RERE: variants seen among roughly 807,000 people sequenced by gnomAD.
The protein encoded by RERE is arginine-glutamic acid dipeptide repeats.
RERE carries 40 observed loss-of-function variants against 146.1 expected under a neutral mutation model. The ratio of observed to expected loss-of-function variants is 0.27; its 90% CI spans 0.21 to 0.36. The LOEUF is 0.36. RERE is among the 10% of genes least tolerant of loss of function. RERE has a pLI of 1.00. For synonymous variants in RERE, 1,003 were observed against 866.0 expected (o/e 1.16, Z -2.78); for missense variants, 1,933 against 2,138.7 (o/e 0.90, Z 1.90).
intron 11 of RERE, among the ~76,000 whole-genome samples, chr1:8,450,032 T>C (rs550300564): frequency 6.6e-6 from 1 of 152,298 alleles, no homozygotes; most frequent in South Asian, 2.1e-4. Flanking sequence ...TAAGTTAATT[T>C]GCTTATTTGT....
At chr1:8,392,589 C>A (rs551427520) in intron 12 of RERE, among the ~76,000 whole-genome samples, 1 of 152,222 alleles carries the variant, frequency 6.6e-6, no homozygotes, top group East Asian at 1.9e-4. Flanking sequence ...CAGTATCTAC[C>A]CCCACCCCTC....
At chr1:8,506,479 GACAC>G (rs776505939) in intron 8 of RERE, among the ~76,000 whole-genome samples, 5 of 152,200 alleles carry the variant, frequency 3.3e-5, no homozygotes, top group Admixed American at 6.5e-5. Context: ...AAATGTAAAT[GACAC>G]ACAATTTAGA....
At chr1:8,686,861 T>C (rs534701411) in intron 1 of RERE, among the ~76,000 whole-genome samples, 2 of 152,260 alleles carry the variant, frequency 1.3e-5, no homozygotes, top group South Asian at 2.1e-4. Context: ...GGCCTCTCAC[T>C]GAGACTCGAA....
At chr1:8,752,632 C>G (rs928562095) in intron 1 of RERE, among the ~76,000 whole-genome samples, 1 of 152,112 alleles carries the variant, frequency 6.6e-6, no homozygotes, top group Non-Finnish European at 1.5e-5. Context: ...TAGATAAAAA[C>G]AAGGTTTCTT....
intron 11 of RERE, among the ~76,000 whole-genome samples, chr1:8,430,242 T>G (rs1416855421): frequency 6.6e-6 from 1 of 152,190 alleles, no homozygotes; most frequent in Admixed American, 6.5e-5. Context: ...AAGGGTGACT[T>G]GAGTAAGGCA....
intron 1 of RERE, among the ~76,000 whole-genome samples, chr1:8,708,911 T>TTTTTTG (rs1639611498): frequency 7.6e-6 from 1 of 131,488 alleles, no homozygotes; most frequent in African/African-American, 2.9e-5. Flanking sequence ...TGGAGTTTTT[T>TTTTTTG]TTTTTTTTTT....
At chr1:8,458,680 A>T (rs1255162190) in intron 11 of RERE, among the ~76,000 whole-genome samples, 3 of 152,260 alleles carry the variant, frequency 2.0e-5, no homozygotes, top group South Asian at 2.1e-4. Context: ...TGATGGACTT[A>T]AAAAAAGTAC....
intron 2 of RERE, among the ~76,000 whole-genome samples, chr1:8,645,952 A>T (rs1647285980): frequency 6.6e-6 from 1 of 152,238 alleles, no homozygotes; most frequent in African/African-American, 2.4e-5. Flanking sequence ...AAGTTAACTA[A>T]TGTAATCCAT....
chr1:8,742,009 T>C (rs1640319380), intron 1 of RERE, among the ~76,000 whole-genome samples: 1 of 152,258 alleles, frequency 6.6e-6, no homozygotes, highest in African/African-American at 2.4e-5. Context: ...TATGAATTTA[T>C]ATGATTTCAG....
At chr1:8,523,989 T>A (rs1383936899) in intron 7 of RERE, among the ~76,000 whole-genome samples, 1 of 152,234 alleles carries the variant, frequency 6.6e-6, no homozygotes, top group Non-Finnish European at 1.5e-5. Flanking sequence ...TCCTTGAGCA[T>A]GAAATGTGAG....
chr1:8,801,982 T>C (rs1641599675), intron 1 of RERE, among the ~76,000 whole-genome samples: 1 of 152,220 alleles, frequency 6.6e-6, no homozygotes, highest in Non-Finnish European at 1.5e-5. Flanking sequence ...TGTTTGGAAT[T>C]TTTTTAAATT....
chr1:8,386,018 A>AT (rs1428623957), intron 12 of RERE, among the ~76,000 whole-genome samples: 16 of 41,910 alleles, frequency 3.8e-4, no homozygotes, highest in East Asian at 2.0e-3. Flanking sequence ...ATATATATAT[A>AT]TATATTTTTT....
At chr1:8,814,154 C>T (rs2124610809) in intron 1 of RERE, among the ~76,000 whole-genome samples, 1 of 152,222 alleles carries the variant, frequency 6.6e-6, no homozygotes, top group African/African-American at 2.4e-5. Flanking sequence ...AGATACACAA[C>T]TTTAGAGATT....
intron 2 of RERE, among the ~76,000 whole-genome samples, chr1:8,648,939 T>A (rs529777665): frequency 6.7e-6 from 1 of 150,340 alleles, no homozygotes; most frequent in East Asian, 2.0e-4. Flanking sequence ...CATTTCATTA[T>A]CCAAATAGCA....
intron 4 of RERE, among the ~76,000 whole-genome samples, chr1:8,593,765 T>C (rs1437038888): frequency 1.3e-5 from 2 of 152,236 alleles, no homozygotes; most frequent in Non-Finnish European, 2.9e-5. Flanking sequence ...CATCTCCTGG[T>C]GGACTGGTAG....
intron 1 of RERE, among the ~76,000 whole-genome samples, chr1:8,773,458 C>T (rs1640994394): frequency 6.6e-6 from 1 of 152,138 alleles, no homozygotes; most frequent in Non-Finnish European, 1.5e-5. Flanking sequence ...CTTTGGGAGG[C>T]CAAGGTGCGC....
At chr1:8,693,083 CTG>C (rs1237493725) in intron 1 of RERE, among the ~76,000 whole-genome samples, 2 of 152,180 alleles carry the variant, frequency 1.3e-5, no homozygotes, top group Non-Finnish European at 2.9e-5. Context: ...ATCCACTACA[CTG>C]ACAACACCAA....
At chr1:8,797,611 C>A (rs971653175) in intron 1 of RERE, among the ~76,000 whole-genome samples, 13 of 152,118 alleles carry the variant, frequency 8.5e-5, no homozygotes, top group Admixed American at 8.5e-4. Context: ...ATCTTTTTTA[C>A]CTTAGAAGCC....
At chr1:8,470,646 T>C (rs1644670928) in intron 10 of RERE, among the ~76,000 whole-genome samples, 12 of 152,016 alleles carry the variant, frequency 7.9e-5, no homozygotes, top group Admixed American at 7.9e-4. Flanking sequence ...GTCAACTGGC[T>C]GTTCTGGTGT....
Sources: allele counts gnomAD v4.1 joint callset (sites outside exome capture counted in the v4.1 genomes callset), GRCh38; gene constraint gnomAD v4.1.1; transcripts MANE v1.5; gene names NCBI Gene and HGNC (gene_info 2026-07-23, HGNC 2026-07-21).